Variants in CYRIB observed in about 807,000 individuals in gnomAD.
CYRIB encodes the protein CYFIP related Rac1 interactor B, also known as CYFIP-related Rac1 interactor B.
A neutral mutation model predicts 44.2 loss-of-function variants in CYRIB; 8 were observed. The observed-to-expected ratio is 0.18, with a 90% CI of 0.11 to 0.33. The LOEUF is 0.33. CYRIB is among the 10% of genes least tolerant of loss of function. The pLI is 1.00. For missense variants in CYRIB, 185 were observed against 382.8 expected, an observed-to-expected ratio of 0.48 and a Z score of 4.31; for synonymous variants, 131 against 127.2, an observed-to-expected ratio of 1.03 and a Z score of -0.20.
chr8:129,963,977 G>A (rs1032879329), intron 2 of CYRIB, among the ~76,000 whole-genome samples: 1 of 152,286 alleles, frequency 6.6e-6, no homozygotes, highest in Middle Eastern at 3.4e-3. Context: ...CTTTCAAGAT[G>A]AATAACCTAC....
chr8:129,865,434 G>A (rs2052920688), intron 4 of CYRIB, among the ~76,000 whole-genome samples: 1 of 152,174 alleles, frequency 6.6e-6, no homozygotes. Flanking sequence ...TTGCAGAGTG[G>A]GAGAAGGATA....
upstream of CYRIB, among the ~76,000 whole-genome samples, chr8:129,943,547 A>T (rs1263867479): frequency 6.8e-6 from 1 of 148,066 alleles, no homozygotes; most frequent in Non-Finnish European, 1.5e-5. Flanking sequence ...ATGAGCCAAG[A>T]TTGCACCACT....
chr8:129,944,528 A>G (rs1263440057), upstream of CYRIB, among the ~76,000 whole-genome samples: 2 of 152,094 alleles, frequency 1.3e-5, no homozygotes, highest in Non-Finnish European at 2.9e-5. Context: ...CACGTCTGTA[A>G]TCCCAGCAGT....
intron 1 of CYRIB, among the ~76,000 whole-genome samples, chr8:129,980,241 A>AG (rs2096162760): frequency 6.6e-6 from 1 of 151,428 alleles, no homozygotes; most frequent in Non-Finnish European, 1.5e-5. Context: ...AAAAAAAAAA[A>AG]AAAAAGAAAA....
intron 7 of CYRIB, among the ~76,000 whole-genome samples, chr8:129,853,332 T>C (rs2044361597): frequency 6.6e-6 from 1 of 152,208 alleles, no homozygotes; most frequent in Non-Finnish European, 1.5e-5. Flanking sequence ...AACTGGTCTA[T>C]GCAAAAATCA....
intron 1 of CYRIB, among the ~76,000 whole-genome samples, chr8:129,919,168 T>C (rs2082260708): frequency 6.6e-6 from 1 of 152,192 alleles, no homozygotes; most frequent in Non-Finnish European, 1.5e-5. Context: ...CCACCCAGCC[T>C]ACAGATAGAT....
At chr8:129,972,406 G>A (rs774382469) in intron 1 of CYRIB, among the ~76,000 whole-genome samples, 47 of 151,956 alleles carry the variant, frequency 3.1e-4, no homozygotes, top group Non-Finnish European at 5.3e-4. Context: ...GGGAGCTCTC[G>A]TCTCTACAAA....
At chr8:129,961,352 G>A (rs1016899707) in intron 2 of CYRIB, among the ~76,000 whole-genome samples, 1 of 152,200 alleles carries the variant, frequency 6.6e-6, no homozygotes, top group Non-Finnish European at 1.5e-5. Context: ...ACCCAGCAGA[G>A]CCAGCCCTGG....
At chr8:129,967,904 T>C (rs762862196) in intron 2 of CYRIB, among the ~76,000 whole-genome samples, 2 of 152,196 alleles carry the variant, frequency 1.3e-5, no homozygotes, top group Non-Finnish European at 2.9e-5. Flanking sequence ...AGTAGTGCCA[T>C]TGATACTTCT....
intron 1 of CYRIB, among the ~76,000 whole-genome samples, chr8:129,991,270 C>T (rs1389896437): frequency 6.6e-6 from 1 of 151,962 alleles, no homozygotes; most frequent in African/African-American, 2.4e-5. Flanking sequence ...TAAGTATGTG[C>T]TCAATAAATA....
At chr8:129,855,527 A>T in intron 6 of CYRIB, 84 bp downstream of exon 8, 1 of 1,406,876 alleles carries the variant, frequency 7.1e-7, no homozygotes, top group Non-Finnish European at 9.9e-7. Context: ...AATACATTTT[A>T]ACAATGTTTC....
intron 1 of CYRIB, among the ~76,000 whole-genome samples, chr8:130,015,764 C>G (rs1400302193): frequency 6.6e-6 from 1 of 152,234 alleles, no homozygotes; most frequent in African/African-American, 2.4e-5. Context: ...CACTGAACTT[C>G]CATTTAAAAA....
In CYRIB at chr8:129,875,565, G is replaced by A. The variant is rs73710955; in HGVS notation, c.73+3824C>T. ...AGCATAACTGCTGCCAAATTTTATG[G>A]AGCAATTTTGGGCTTATATTTTAAC... On this transcript the variant is annotated intron_variant, in intron 3 of 11. Coordinates refer to ENST00000519824, the Ensembl canonical transcript of CYRIB. 2.9e-3 allele frequency among the ~76,000 whole-genome samples: 448 copies of A among 152,010 alleles called. 4 individuals carry two copies. The highest frequency in any genetic ancestry group is 9.8e-3 in the African/African-American group (407 of 41,468).
chr8:129,912,529 AG>A (rs2078556439), intron 1 of CYRIB: 1 of 152,150 alleles, frequency 6.6e-6, no homozygotes, highest in Non-Finnish European at 1.5e-5. Flanking sequence ...ACAGATTAAA[AG>A]AAAAAAGCCA....
chr8:129,870,284 T>C (rs1649890991), intron 4 of CYRIB, among the ~76,000 whole-genome samples: 1 of 152,088 alleles, frequency 6.6e-6, no homozygotes, highest in South Asian at 2.1e-4. Flanking sequence ...CCAGGCATGG[T>C]GGTGAGTGCC....
intron 3 of CYRIB, among the ~76,000 whole-genome samples, chr8:129,873,512 AC>A (rs895544262): frequency 6.6e-6 from 1 of 152,024 alleles, no homozygotes. Context: ...CATGCAAAAA[AC>A]GACAGTCTTA....
intron 2 of CYRIB, among the ~76,000 whole-genome samples, chr8:129,954,693 C>G (rs1170973861): frequency 6.6e-6 from 1 of 152,110 alleles, no homozygotes; most frequent in East Asian, 1.9e-4. Flanking sequence ...TCTAGGGGCA[C>G]GATCCCCCAG....
chr8:129,987,568 C>CTT (rs34876735), intron 1 of CYRIB, among the ~76,000 whole-genome samples: 121 of 127,028 alleles, frequency 9.5e-4, no homozygotes, highest in Non-Finnish European at 1.5e-3. Flanking sequence ...TTTTTTTTTT[C>CTT]TTTTTTTTTT....
intron 1 of CYRIB, among the ~76,000 whole-genome samples, chr8:130,004,795 C>A (rs1489323433): frequency 4.8e-5 from 6 of 126,088 alleles, no homozygotes; most frequent in Non-Finnish European, 9.5e-5. Context: ...GAGATGGAGT[C>A]TCGCTTTGTT....
Sources: allele counts gnomAD v4.1 joint callset (sites outside exome capture counted in the v4.1 genomes callset), GRCh38; gene constraint gnomAD v4.1.1; transcripts MANE v1.5; gene names NCBI Gene and HGNC (gene_info 2026-07-23, HGNC 2026-07-21).